The following THAP8 variants were observed in gnomAD, a reference collection of about 807,000 sequenced individuals.
THAP8 encodes THAP domain-containing protein 8.
A neutral mutation model predicts 25.0 loss-of-function variants in THAP8; 24 were observed. That is an observed-to-expected ratio of 0.96 (90% CI 0.69 to 1.35). The LOEUF is 1.35. Among genes scored for constraint, THAP8 ranks in the 40% most tolerant of loss-of-function variants. The pLI, the probability that THAP8 is intolerant of heterozygous loss-of-function variation, is 0.00. For synonymous variants in THAP8, 169 were observed against 157.6 expected (o/e 1.07, Z -0.54); for missense variants, 399 against 368.8 (o/e 1.08, Z -0.67).
intron 1 of THAP8, among the ~76,000 whole-genome samples, chr19:36,053,180 G>C (rs1482087335): frequency 6.6e-6 from 1 of 151,720 alleles, no homozygotes; most frequent in Non-Finnish European, 1.5e-5. Flanking sequence ...CGATTCTCCT[G>C]CCTCAGCCCA....
At chr19:36,037,274 ACAC>A (rs1188728188) in intron 3 of THAP8, among the ~76,000 whole-genome samples, 6 of 125,198 alleles carry the variant, frequency 4.8e-5, no homozygotes, top group Non-Finnish European at 5.3e-5. Flanking sequence ...ACACACACAC[ACAC>A]ACCTTCCTCA....
intron 1 of THAP8, among the ~76,000 whole-genome samples, chr19:36,042,949 G>A (rs1969748975): frequency 6.6e-6 from 1 of 151,934 alleles, no homozygotes. Context: ...TTATTTTTGC[G>A]ATGGAGTCTC....
At chr19:36,039,902 T>G (rs1240128360) in intron 2 of THAP8, 42 bp downstream of exon 2, 1 of 1,609,012 alleles carries the variant, frequency 6.2e-7, no homozygotes, top group Non-Finnish European at 8.5e-7. Context: ...GGCAGGGAGG[T>G]CTGGGGGTTG....
intron 1 of THAP8, among the ~76,000 whole-genome samples, chr19:36,053,492 T>C (rs1428188894): frequency 6.7e-6 from 1 of 149,396 alleles, no homozygotes; most frequent in Non-Finnish European, 1.5e-5. Flanking sequence ...GAGGTCGAGG[T>C]TGCAGTGAGC....
intron 1 of THAP8, among the ~76,000 whole-genome samples, chr19:36,041,987 T>C (rs1406113812): frequency 6.6e-6 from 1 of 151,710 alleles, no homozygotes; most frequent in Admixed American, 6.6e-5. Flanking sequence ...TAGGAGGCAA[T>C]GTGGGAGGAT....
At chr19:36,037,402 C>T (rs1226749642) in intron 3 of THAP8, among the ~76,000 whole-genome samples, 2 of 149,466 alleles carry the variant, frequency 1.3e-5, no homozygotes, top group Non-Finnish European at 3.0e-5. Context: ...AATATAGAGG[C>T]AAAAGGGATT....
At chr19:36,035,729 T>C in intron 3 of THAP8, 137 bp from the exon 4 acceptor site, 4 of 959,760 alleles carry the variant, frequency 4.2e-6, no homozygotes, top group Non-Finnish European at 6.2e-6. Flanking sequence ...TGGGGAGAGA[T>C]ATGAGGAGAC....
At chr19:36,040,294 C>T (rs1229429183) in intron 1 of THAP8, among the ~76,000 whole-genome samples, 158 bp from the exon 2 acceptor site, 1 of 152,198 alleles carries the variant, frequency 6.6e-6, no homozygotes, top group East Asian at 1.9e-4. Flanking sequence ...ATCTCATACA[C>T]ACAACCACAA....
At position 36,039,823 on chromosome 19, in the gene THAP8, A is replaced by T. The variant is rs1969623019; in HGVS notation, c.277-105T>A. The T allele has an allele frequency of 1.9e-6, 3 of 1,546,414 alleles. No homozygotes were observed. The Admixed American group carries it at 6.5e-5, about 33-fold the overall frequency. On this transcript the variant is annotated intron_variant, in intron 2 of 3. Coordinates refer to ENST00000292894, the MANE Select transcript of THAP8 (RefSeq NM_152658.3). ...AAGGGGGACTTGCCTAGGTAAGGCCAGACCTCAGGGAGGAAGTGTCGTCAG... is the reference window on the plus strand; with the variant it reads ...AAGGGGGACTTGCCTAGGTAAGGCCTGACCTCAGGGAGGAAGTGTCGTCAG...
chr19:36,050,902 C>T, intron 1 of THAP8, among the ~76,000 whole-genome samples: 1 of 152,170 alleles, frequency 6.6e-6, no homozygotes, highest in East Asian at 1.9e-4. Flanking sequence ...ACCAAATCCA[C>T]CCAACGAATC....
chr19:36,035,666 G>C, intron 3 of THAP8, 74 bp from the exon 4 acceptor site: 9 of 1,542,410 alleles, frequency 5.8e-6, no homozygotes, highest in Non-Finnish European at 7.9e-6. Flanking sequence ...ATAACGGTGA[G>C]GAACAGGGAG....
chr19:36,038,797 G>A (rs1044160433), intron 3 of THAP8, among the ~76,000 whole-genome samples: 1 of 151,174 alleles, frequency 6.6e-6, no homozygotes, highest in Non-Finnish European at 1.5e-5. Flanking sequence ...GCTGCAGTGA[G>A]CCGAGATTGC....
intron 1 of THAP8, among the ~76,000 whole-genome samples, chr19:36,049,600 C>T (rs1194829955): frequency 1.3e-5 from 2 of 152,152 alleles, no homozygotes; most frequent in African/African-American, 2.4e-5. Context: ...TAGTCACTAG[C>T]GGGTGCCAAT....
At chr19:36,053,528 C>G (rs1376031032) in intron 1 of THAP8, among the ~76,000 whole-genome samples, 2 of 142,874 alleles carry the variant, frequency 1.4e-5, no homozygotes. Flanking sequence ...GCATTCCAGC[C>G]TGGGCGACAA....
At chr19:36,050,963 C>A (rs1970039937) in intron 1 of THAP8, among the ~76,000 whole-genome samples, 1 of 152,110 alleles carries the variant, frequency 6.6e-6, no homozygotes, top group African/African-American at 2.4e-5. Context: ...GTTGGAGACA[C>A]AAACAGGAGG....
intron 2 of THAP8, 23 bp from the exon 3 acceptor site, chr19:36,039,741 C>A: frequency 6.7e-7 from 1 of 1,496,548 alleles, no homozygotes; most frequent in Non-Finnish European, 8.9e-7. Flanking sequence ...GCATGGGGTG[C>A]AGGGGTGCCG....
chr19:36,054,174 C>G lies in THAP8; in HGVS notation c.44G>C (p.Gly15Ala), dbSNP rs369029930. 2 of 1,613,752 alleles carry G rather than the reference C, an allele frequency of 1.2e-6. No individual in the cohort carries two copies. Among genetic ancestry groups the G allele is most frequent in the African/African-American group, 2.7e-5 (2 of 74,770 alleles). The change falls in exon 1 of 4, where the codon GGC (glycine) becomes GCC (alanine). Residue 15 changes from glycine to alanine, a missense_variant. Coordinates refer to ENST00000292894, the MANE Select transcript of THAP8 (RefSeq NM_152658.3). The stretch of plus-strand genomic sequence containing the variant: ...AGGGCGGTTGTCTGCACCCAGGCGG[C>G]CCGCAGTGTTGGAGCAGTTCGGCGC... ...CRAPNCSNTA[G>A]RLGADNRPVS... is the part of the protein sequence containing the mutation.
chr19:36,051,855 G>A (rs1462958527), intron 1 of THAP8, among the ~76,000 whole-genome samples: 1 of 152,126 alleles, frequency 6.6e-6, no homozygotes, highest in Admixed American at 6.5e-5. Context: ...GTGGCAGGCA[G>A]GTGAGCGAGT....
chr19:36,035,703 G>A, intron 3 of THAP8, 111 bp from the exon 4 acceptor site: 1 of 1,233,214 alleles, frequency 8.1e-7, no homozygotes, highest in Non-Finnish European at 1.2e-6. Context: ...GGCGTGTCAG[G>A]AAACAGAGAG....
Sources: allele counts gnomAD v4.1 joint callset (sites outside exome capture counted in the v4.1 genomes callset), GRCh38; gene constraint gnomAD v4.1.1; transcripts MANE v1.5; gene names NCBI Gene and HGNC (gene_info 2026-07-23, HGNC 2026-07-21).